Variants in CES2 observed in about 807,000 individuals in gnomAD.
CES2 encodes the protein carboxylesterase 2.
In CES2, 42 loss-of-function variants were observed where a neutral mutation model predicts 52.1. The observed-to-expected ratio is 0.81, with a 90% CI of 0.63 to 1.04. The LOEUF is 1.04. Ranked by LOEUF, CES2 falls within the 50% of genes least tolerant of loss-of-function variation. The pLI, the probability that CES2 is intolerant of heterozygous loss-of-function variation, is 0.00. For missense variants in CES2, 656 were observed against 724.3 expected, an observed-to-expected ratio of 0.91 and a Z score of 1.08; for synonymous variants, 277 against 289.6, an observed-to-expected ratio of 0.96 and a Z score of 0.44.
Position 66,939,294 on chromosome 16 carries a change from C to T in CES2, c.359C>T (p.Ser120Phe), listed in dbSNP as rs745588213. The change falls in exon 3 of 12, where the codon TCT (serine) becomes TTT (phenylalanine). Residue 120 changes from serine (S) to phenylalanine (F), a missense_variant. Ser to Phe is a radical substitution (Grantham distance 155, BLOSUM62 -2). Coordinates refer to ENST00000317091, the MANE Select transcript of CES2 (RefSeq NM_001365405.1). ...ATGACCTTCCCTTCCGACTCCATGT[C>T]TGAGGACTGCCTGTACCTCAGCATC... is the stretch of plus-strand genomic sequence containing the variant. ...FNMTFPSDSM[S>F]EDCLYLSIYT... 9.3e-6 allele frequency: 15 copies of T among 1,613,822 alleles called. No individual in the cohort carries two copies. The highest frequency in any genetic ancestry group is 1.2e-5 in the Non-Finnish European group (14 of 1,179,912).
At chr16:66,939,074 G>A (rs1321442470) in intron 2 of CES2, 143 bp from the exon 3 acceptor site, 2 of 690,520 alleles carry the variant, frequency 2.9e-6, no homozygotes, top group South Asian at 1.8e-5. Context: ...CTGTAACTTG[G>A]TGGGAAGGGA....
chr16:66,944,582 A>G lies in CES2; in HGVS notation c.*557A>G, dbSNP rs1002826234. The stretch of plus-strand genomic sequence containing the variant: ...CCCAACGTGGTGAAACCCCATCTCT[A>G]TGAAAAATACAAAAATCAGACGGGC... On this transcript the variant is annotated 3_prime_UTR_variant, in exon 12 of 12. Coordinates refer to ENST00000317091, the MANE Select transcript of CES2 (RefSeq NM_001365405.1). The G allele has an allele frequency of 1.3e-5, 2 of 152,148 alleles. No individual in the cohort carries two copies. Among genetic ancestry groups the G allele is most frequent in the African/African-American group, 4.8e-5 (2 of 41,438 alleles). 9.4% of individuals were successfully genotyped at this position (152,148 alleles called of 1,614,324 possible).
rs1963407105 is a variant in CES2 at position 66,943,259 on chromosome 16, G to T, written c.1421-40G>T. ...AGCTCCACCTGGGATGCTGAGGTTGGACATCCTGATGAAGACACATGTCCT... is the reference window on the plus strand; with the variant it reads ...AGCTCCACCTGGGATGCTGAGGTTGTACATCCTGATGAAGACACATGTCCT... On this transcript the variant is annotated intron_variant, in intron 10 of 11. Transcript: ENST00000317091. The surrounding 1 kb of genome is among the most constrained non-coding windows in gnomAD (Gnocchi z 4.2). The T allele has an allele frequency of 6.2e-7, 1 of 1,606,568 alleles. No homozygotes were observed. The highest frequency in any genetic ancestry group is 1.3e-5 in the African/African-American group (1 of 74,756).
chr16:66,939,083 G>A (rs1282761283), intron 2 of CES2, 134 bp from the exon 3 acceptor site: 1 of 735,922 alleles, frequency 1.4e-6, no homozygotes, highest in Non-Finnish European at 2.2e-6. Context: ...GGTGGGAAGG[G>A]ATTTTTGAGA....
rs959895532 is a variant in CES2 at position 66,942,306 on chromosome 16, C to A, written c.1282+57C>A. The A allele has an allele frequency of 2.0e-5, 30 of 1,526,676 alleles. No homozygotes were observed. In the African/African-American group the frequency reaches 4.1e-4, roughly 21 times the overall value. 94.6% of individuals were successfully genotyped at this position (1,526,676 alleles called of 1,614,324 possible). Reference sequence around the variant, plus strand: ...AGGGTACAGCTCAGGGCTGTGGGTCCCAGGTGAGACCTGCTGCTGTCCGGG... The same window carrying A: ...AGGGTACAGCTCAGGGCTGTGGGTCACAGGTGAGACCTGCTGCTGTCCGGG... On this transcript the variant is annotated intron_variant, in intron 9 of 11. Transcript: ENST00000317091.
intron 1 of CES2, 95 bp from the exon 2 acceptor site, chr16:66,937,942 C>CTAA: frequency 5.0e-6 from 5 of 1,005,368 alleles, no homozygotes; most frequent in Non-Finnish European, 7.7e-6. Context: ...GTCCCTTGAG[C>CTAA]TAAGATGAGG....
chr16:66,936,806 C>T (rs528804935), intron 1 of CES2, among the ~76,000 whole-genome samples: 1 of 152,262 alleles, frequency 6.6e-6, no homozygotes, highest in East Asian at 1.9e-4. Context: ...GGGCTTCCTC[C>T]CGTGCCTGCC....
At chr16:66,941,483 C>A in intron 6 of CES2, 23 bp from the exon 7 acceptor site, 1 of 1,612,992 alleles carries the variant, frequency 6.2e-7, no homozygotes, top group Middle Eastern at 1.7e-4. Context: ...GACCTTGTTC[C>A]CTGACCTTAC....
At chr16:66,940,091 C>G in intron 3 of CES2, 131 bp from the exon 4 acceptor site, 2 of 1,284,240 alleles carry the variant, frequency 1.6e-6, no homozygotes, top group Non-Finnish European at 2.1e-6. Context: ...ACCATTTGCC[C>G]ATGTAATGAA....
upstream of CES2, chr16:66,934,513 G>T: frequency 8.1e-7 from 1 of 1,234,878 alleles, no homozygotes; most frequent in Non-Finnish European, 1.1e-6. The surrounding 1 kb of genome is among the most constrained non-coding windows in gnomAD (Gnocchi z 4.1). Context: ...TGCGAGAGAA[G>T]CGGTGACCGC....
Position 66,943,533 on chromosome 16 carries a change from G to GTCCACT in CES2, c.1493+162_1493+163insTCCACT. 1.4e-6 allele frequency: 1 copy of GTCCACT among 715,170 alleles called. No homozygotes were observed. The highest frequency in any genetic ancestry group is 1.8e-5 in the African/African-American group (1 of 56,766). 44.3% of individuals were successfully genotyped at this position (715,170 alleles called of 1,614,324 possible). On this transcript the variant is annotated intron_variant, in intron 11 of 11. Transcript: ENST00000317091. This position sits in a 1 kb window ranked among gnomAD's most constrained non-coding sequence, Gnocchi z 4.2. The stretch of plus-strand genomic sequence containing the variant: ...CCACTCAGACAGGGTGGGGGTGCGT[G>GTCCACT]GGGCAGTGGACACGCTCTATCTCTC...
chr16:66,941,458 A>T (rs1963361050), intron 6 of CES2, 48 bp from the exon 7 acceptor site: 1 of 1,604,706 alleles, frequency 6.2e-7, no homozygotes, highest in African/African-American at 1.3e-5. Flanking sequence ...GGGCATCGGA[A>T]GATGTCTGGG....
chr16:66,934,717 G>T (rs868711998), upstream of CES2: 47 of 254,476 alleles, frequency 1.8e-4, 2 homozygotes, highest in South Asian at 2.3e-3. The surrounding 1 kb of genome is among the most constrained non-coding windows in gnomAD (Gnocchi z 4.1). Context: ...GGCTGGCCGG[G>T]AGCTCCCGTA....
chr16:66,941,523 C>G lies in CES2; in HGVS notation c.933C>G (p.Pro311=), dbSNP rs755907689. Reference sequence around the variant, plus strand: ...CCCCTCAGCCTTTCAAGATGATCCCCGGAGTGGTGGATGGGGTCTTCCTGC... The same window carrying G: ...CCCCTCAGCCTTTCAAGATGATCCCGGGAGTGGTGGATGGGGTCTTCCTGC... ...LAINKPFKMI[P]GVVDGVFLPR... is the part of the protein sequence containing the mutation. The change falls in exon 7 of 12, where the codon CCC becomes CCG. Residue 311 remains proline (P), a synonymous_variant. Coordinates refer to ENST00000317091, the MANE Select transcript of CES2 (RefSeq NM_001365405.1). The G allele has an allele frequency of 3.1e-6, 5 of 1,613,964 alleles. No homozygotes were observed. The East Asian group carries it at 1.1e-4, about 36-fold the overall frequency.
rs560641001 is a variant in CES2, at chr16:66,938,194, C to T, written c.234C>T (p.Pro78=). Residue 78 remains proline (P), a synonymous_variant, in exon 2 of 12, where the codon CCC becomes CCT. Transcript: ENST00000317091. ...LGPLRFAPPE[P]PESWSGVRDG... ...CGCTGCGATTTGCACCCCCTGAGCC[C>T]CCTGAATCTTGGAGTGGTGTGAGGG... is the stretch of plus-strand genomic sequence containing the variant. 1.1e-5 allele frequency: 17 copies of T among 1,614,154 alleles called. No homozygotes were observed. In the African/African-American group the frequency reaches 2.0e-4, roughly 19 times the overall value.
rs771060495 is a variant in CES2 at position 66,942,277 on chromosome 16, G to C, written c.1282+28G>C. ...GAGTATATTTGGACCAAAGCCTGGC[G>C]GGCAGGGTACAGCTCAGGGCTGTGG... On this transcript the variant is annotated intron_variant, in intron 9 of 11. Transcript: ENST00000317091. 8 of 1,587,804 alleles carry C rather than the reference G, an allele frequency of 5.0e-6. No homozygotes were observed. The African/African-American group carries it at 8.0e-5, about 16-fold the overall frequency.
At position 66,940,636 on chromosome 16, in the gene CES2, G is replaced by A. The variant is rs2145505529; in HGVS notation, c.757G>A (p.Glu253Lys). ...AGGACTCTTCCACGGAGCCATCATGGAGAGTGGCGTGGCCCTCCTGCCCGG... is the reference window on the plus strand; with the variant it reads ...AGGACTCTTCCACGGAGCCATCATGAAGAGTGGCGTGGCCCTCCTGCCCGG... ...SQGLFHGAIM[E>K]SGVALLPGLI... The change falls in exon 5 of 12, where the codon GAG becomes AAG. Residue 253 changes from glutamate (E) to lysine (K), a missense_variant. Coordinates refer to ENST00000317091, the MANE Select transcript of CES2 (RefSeq NM_001365405.1). 1 of 1,614,264 alleles carries A rather than the reference G, an allele frequency of 6.2e-7. No homozygotes were observed. The highest frequency in any genetic ancestry group is 2.2e-5 in the East Asian group (1 of 44,890).
intron 2 of CES2, 135 bp from the exon 3 acceptor site, chr16:66,939,082 G>C (rs1028578280): frequency 1.4e-6 from 1 of 726,786 alleles, no homozygotes; most frequent in African/African-American, 1.8e-5. Context: ...TGGTGGGAAG[G>C]GATTTTTGAG....
chr16:66,936,131 CA>C (rs1223388218), intron 1 of CES2, among the ~76,000 whole-genome samples: 2 of 152,092 alleles, frequency 1.3e-5, no homozygotes, highest in Admixed American at 6.5e-5. Context: ...CGTCCTTGGC[CA>C]GGGGGGATGC....
Sources: allele counts gnomAD v4.1 joint callset (sites outside exome capture counted in the v4.1 genomes callset), GRCh38; gene constraint gnomAD v4.1.1; non-coding constraint Gnocchi (gnomAD v3.1); transcripts MANE v1.5; gene names NCBI Gene and HGNC (gene_info 2026-07-23, HGNC 2026-07-21).